Variants in ATP10A observed in about 807,000 individuals in gnomAD.
ATP10A encodes the protein ATPase phospholipid transporting 10A (putative).
A neutral mutation model predicts 147.8 loss-of-function variants in ATP10A; 111 were observed. The ratio of observed to expected loss-of-function variants is 0.75; its 90% CI spans 0.64 to 0.88. ATP10A has a LOEUF of 0.88. Among genes scored for constraint, ATP10A ranks in the 40% least tolerant of loss-of-function variants. ATP10A has a pLI of 0.00. For missense variants in ATP10A, 1,927 were observed against 1,959.0 expected, an observed-to-expected ratio of 0.98 and a Z score of 0.31; for synonymous variants, 875 against 841.6, an observed-to-expected ratio of 1.04 and a Z score of -0.69.
Position 25,703,160 on chromosome 15 carries a change from C to A in ATP10A, c.2576-1060G>T, listed in dbSNP as rs145672218. Among the ~76,000 whole-genome samples the A allele has an allele frequency of 2.8e-3, 425 of 152,250 alleles. 1 individual carries two copies. Among genetic ancestry groups the A allele is most frequent in the African/African-American group, 9.9e-3 (411 of 41,550 alleles). On this transcript the variant is annotated intron_variant, in intron 12 of 20. Coordinates refer to ENST00000555815, the MANE Select transcript of ATP10A (RefSeq NM_024490.4). ...GTCACTTGAGGTCAGGAGTTCCAGA[C>A]CAACCTGGTCAATGTGGTGAAACCC...
chr15:25,822,778 AAAGCAGT>A (rs1179758343), intron 1 of ATP10A, among the ~76,000 whole-genome samples: 1 of 152,330 alleles, frequency 6.6e-6, no homozygotes, highest in South Asian at 2.1e-4. Flanking sequence ...TACCTTATAC[AAAGCAGT>A]ATATCATCAA....
At chr15:25,744,842 C>G (rs1039987157) in intron 2 of ATP10A, among the ~76,000 whole-genome samples, 5 of 151,880 alleles carry the variant, frequency 3.3e-5, no homozygotes, top group Admixed American at 6.6e-5. Context: ...GTAATCAGGG[C>G]CCCAGAAGAA....
chr15:25,679,544 G>A lies in ATP10A; in HGVS notation c.4297C>T (p.Pro1433Ser). The A allele has an allele frequency of 6.2e-7, 1 of 1,612,944 alleles. No homozygotes were observed. The highest frequency in any genetic ancestry group is 8.5e-7 in the Non-Finnish European group (1 of 1,179,114). The change falls in exon 21 of 21, where the codon CCT becomes TCT. Residue 1433 changes from proline to serine, a missense_variant. Pro to Ser is a moderately conservative substitution (Grantham distance 74, BLOSUM62 -1). Coordinates refer to ENST00000555815, the MANE Select transcript of ATP10A (RefSeq NM_024490.4). ...VTPLSSLFSL[P>S]TFSLLNWISS... ...ATCCAGTTGAGTAAGCTGAAGGTAG[G>A]CAGGCTGAAGAGGGAAGACAGGGGG...
chr15:25,835,970 C>T (rs576158804), intron 1 of ATP10A, among the ~76,000 whole-genome samples: 1 of 152,296 alleles, frequency 6.6e-6, no homozygotes, highest in African/African-American at 2.4e-5. Flanking sequence ...CCTGCCACCA[C>T]GGCCGGCTAA....
chr15:25,725,899 C>G (rs1027307273), intron 5 of ATP10A, 52 bp downstream of exon 5: 2 of 1,554,104 alleles, frequency 1.3e-6, no homozygotes, highest in Non-Finnish European at 1.7e-6. Flanking sequence ...ATTACGGGCA[C>G]GAGCCACTGC....
At chr15:25,719,594 G>A (rs936137194) in intron 7 of ATP10A, among the ~76,000 whole-genome samples, 4 of 124,854 alleles carry the variant, frequency 3.2e-5, no homozygotes, top group East Asian at 2.8e-4. Context: ...CCGCACATCC[G>A]GAGCTCCATG....
At chr15:25,817,922 C>T (rs539017307) in intron 1 of ATP10A, among the ~76,000 whole-genome samples, 2 of 152,210 alleles carry the variant, frequency 1.3e-5, no homozygotes, top group African/African-American at 2.4e-5. Flanking sequence ...AGAGAATATA[C>T]AAAGTTGTAT....
intron 1 of ATP10A, among the ~76,000 whole-genome samples, chr15:25,786,898 G>C (rs1202598986): frequency 6.6e-6 from 1 of 151,104 alleles, no homozygotes; most frequent in Middle Eastern, 3.2e-3. Context: ...GCCTCCCAAA[G>C]TGCTGGGATT....
intron 1 of ATP10A, among the ~76,000 whole-genome samples, chr15:25,852,424 G>T (rs1057354927): frequency 6.6e-6 from 1 of 152,160 alleles, no homozygotes; most frequent in African/African-American, 2.4e-5. Context: ...CATTGAGGGT[G>T]TTGGGGCTCA....
At chr15:25,757,796 C>G (rs570673003) in intron 2 of ATP10A, among the ~76,000 whole-genome samples, 2 of 152,156 alleles carry the variant, frequency 1.3e-5, no homozygotes, top group African/African-American at 2.4e-5. Flanking sequence ...TTAACTTCCT[C>G]GTAAAGCAAC....
chr15:25,681,988 A>G (rs1899441009), intron 17 of ATP10A, among the ~76,000 whole-genome samples: 1 of 147,016 alleles, frequency 6.8e-6, no homozygotes, highest in African/African-American at 2.5e-5. Context: ...CGGGAGGCGG[A>G]GCTTGCAGTG....
At chr15:25,823,943 C>A (rs78375779) in intron 1 of ATP10A, among the ~76,000 whole-genome samples, 1 of 152,132 alleles carries the variant, frequency 6.6e-6, no homozygotes, top group East Asian at 1.9e-4. Flanking sequence ...TCTTTTGCAC[C>A]TATGCACCTC....
chr15:25,831,981 T>A (rs934445311), intron 1 of ATP10A, among the ~76,000 whole-genome samples: 1 of 152,052 alleles, frequency 6.6e-6, no homozygotes, highest in African/African-American at 2.4e-5. Context: ...CTTGCAGATA[T>A]AGTTAGTTAA....
chr15:25,756,559 C>T (rs1596823875), intron 2 of ATP10A, among the ~76,000 whole-genome samples: 2 of 152,168 alleles, frequency 1.3e-5, no homozygotes, highest in Non-Finnish European at 2.9e-5. Context: ...AGGAGAATGG[C>T]GTGAACCCAG....
intron 15 of ATP10A, among the ~76,000 whole-genome samples, chr15:25,690,526 C>T (rs1220249100): frequency 6.6e-6 from 1 of 152,200 alleles, no homozygotes; most frequent in Admixed American, 6.5e-5. Context: ...AGGTGTGAAC[C>T]ACCATGCCTG....
At chr15:25,770,295 A>C (rs955063174) in intron 2 of ATP10A, among the ~76,000 whole-genome samples, 1 of 152,130 alleles carries the variant, frequency 6.6e-6, no homozygotes, top group Non-Finnish European at 1.5e-5. Context: ...AATCAGCCTG[A>C]GCAGCGACAG....
chr15:25,709,229 C>A (rs1321676471), intron 10 of ATP10A: 1 of 152,218 alleles, frequency 6.6e-6, no homozygotes, highest in East Asian at 1.9e-4. Flanking sequence ...AGAAAAGACT[C>A]TTTATGGAGT....
chr15:25,782,730 A>G (rs1375312707), intron 1 of ATP10A, among the ~76,000 whole-genome samples: 2 of 152,240 alleles, frequency 1.3e-5, no homozygotes, highest in Non-Finnish European at 2.9e-5. Context: ...CTGGAATAAC[A>G]GGCTAACTAA....
chr15:25,757,797 G>A (rs539670693), intron 2 of ATP10A, among the ~76,000 whole-genome samples: 10 of 152,212 alleles, frequency 6.6e-5, no homozygotes, highest in African/African-American at 1.2e-4. Flanking sequence ...TAACTTCCTC[G>A]TAAAGCAACC....
Sources: allele counts gnomAD v4.1 joint callset (sites outside exome capture counted in the v4.1 genomes callset), GRCh38; gene constraint gnomAD v4.1.1; transcripts MANE v1.5; gene names NCBI Gene and HGNC (gene_info 2026-07-23, HGNC 2026-07-21).